TMEFF2: variants seen among roughly 807,000 people sequenced by gnomAD.
TMEFF2 encodes transmembrane protein with EGF like and two follistatin like domains 2, also known as tomoregulin-2.
TMEFF2 carries 28 observed loss-of-function variants against 53.8 expected under a neutral mutation model. The observed-to-expected ratio is 0.52, with a 90% CI of 0.39 to 0.71. The LOEUF is 0.71. Ranked by LOEUF, TMEFF2 falls within the 30% of genes least tolerant of loss-of-function variation. The pLI, the probability that TMEFF2 is intolerant of heterozygous loss-of-function variation, is 0.00. For missense variants in TMEFF2, 353 were observed against 455.2 expected (o/e 0.78, Z 2.04); for synonymous variants, 162 against 166.3 (o/e 0.97, Z 0.20).
At chr2:191,996,677 G>GTTCC (rs1686229763) in intron 7 of TMEFF2, among the ~76,000 whole-genome samples, 3 of 151,454 alleles carry the variant, frequency 2.0e-5, no homozygotes, top group African/African-American at 7.3e-5. Context: ...TAAAAGCTGT[G>GTTCC]TACTATAAGG....
At chr2:192,138,854 T>G (rs1574408186) in intron 4 of TMEFF2, among the ~76,000 whole-genome samples, 1 of 152,312 alleles carries the variant, frequency 6.6e-6, no homozygotes, top group East Asian at 1.9e-4. Context: ...AAAGTACACC[T>G]TAGGTTTTAG....
chr2:192,161,542 A>G (rs1690634067), intron 4 of TMEFF2, among the ~76,000 whole-genome samples: 1 of 152,210 alleles, frequency 6.6e-6, no homozygotes, highest in Non-Finnish European at 1.5e-5. Context: ...TGCACTTCCA[A>G]ATTTAAAGAC....
intron 5 of TMEFF2, among the ~76,000 whole-genome samples, chr2:191,999,842 C>T (rs546995424): frequency 6.6e-6 from 1 of 152,064 alleles, no homozygotes; most frequent in East Asian, 1.9e-4. Context: ...AACAACCCTT[C>T]TGTATAAAAT....
chr2:192,135,648 A>T (rs1420340672), intron 4 of TMEFF2, among the ~76,000 whole-genome samples: 1 of 151,816 alleles, frequency 6.6e-6, no homozygotes, highest in African/African-American at 2.4e-5. Flanking sequence ...ACACTATTTT[A>T]TTTTTCTTAT....
intron 4 of TMEFF2, among the ~76,000 whole-genome samples, chr2:192,140,599 G>T (rs1385842735): frequency 1.3e-5 from 2 of 152,114 alleles, no homozygotes; most frequent in East Asian, 1.9e-4. Context: ...AACACAACGT[G>T]GGGGTGAAAG....
chr2:191,960,150 G>A (rs908616687), intron 7 of TMEFF2, among the ~76,000 whole-genome samples: 5 of 152,172 alleles, frequency 3.3e-5, no homozygotes, highest in Non-Finnish European at 5.9e-5. Flanking sequence ...TGGGATTACA[G>A]TCGTGAGTCA....
chr2:191,995,349 G>A (rs1686198420), intron 7 of TMEFF2, among the ~76,000 whole-genome samples: 4 of 151,966 alleles, frequency 2.6e-5, no homozygotes, highest in Admixed American at 1.3e-4. Flanking sequence ...TTAATCTATA[G>A]TGTTAACTAG....
At chr2:191,964,747 C>G (rs898172347) in intron 7 of TMEFF2, among the ~76,000 whole-genome samples, 5 of 152,060 alleles carry the variant, frequency 3.3e-5, no homozygotes, top group African/African-American at 1.2e-4. Flanking sequence ...CTCATTCTTG[C>G]AGCTCTCTGG....
chr2:192,008,308 G>A (rs533395251), intron 5 of TMEFF2, among the ~76,000 whole-genome samples: 4 of 152,268 alleles, frequency 2.6e-5, no homozygotes, highest in Admixed American at 6.5e-5. Flanking sequence ...TTGCTCCCAC[G>A]TCCCTCTTCA....
intron 4 of TMEFF2, among the ~76,000 whole-genome samples, chr2:192,124,976 T>C (rs1187353346): frequency 6.6e-6 from 1 of 152,182 alleles, no homozygotes; most frequent in Non-Finnish European, 1.5e-5. Context: ...CTCTCCTCCA[T>C]TGGCTAGCAG....
chr2:192,163,804 G>A (rs1690688831), intron 4 of TMEFF2, among the ~76,000 whole-genome samples: 1 of 152,150 alleles, frequency 6.6e-6, no homozygotes, highest in African/African-American at 2.4e-5. Flanking sequence ...TGGAGAACTT[G>A]GCGAGTGCTA....
intron 7 of TMEFF2, among the ~76,000 whole-genome samples, chr2:191,984,823 A>AT (rs2105819070): frequency 6.6e-6 from 1 of 152,238 alleles, no homozygotes; most frequent in African/African-American, 2.4e-5. Flanking sequence ...ATTTAAGCCA[A>AT]TCAGTGGGGA....
intron 8 of TMEFF2, among the ~76,000 whole-genome samples, chr2:191,955,154 A>G (rs1245638866): frequency 2.1e-3 from 45 of 21,646 alleles, no homozygotes; most frequent in African/African-American, 5.8e-3. Context: ...GGGGGGAGGG[A>G]GGAAGAGTGG....
chr2:192,141,449 T>C (rs1325752290), intron 4 of TMEFF2, among the ~76,000 whole-genome samples: 1 of 123,360 alleles, frequency 8.1e-6, no homozygotes, highest in African/African-American at 3.1e-5. Context: ...TGAGACTCCG[T>C]CTCAAAAAAG....
At chr2:191,952,001 T>C (rs763703933) in intron 9 of TMEFF2, among the ~76,000 whole-genome samples, 1 of 152,206 alleles carries the variant, frequency 6.6e-6, no homozygotes, top group Non-Finnish European at 1.5e-5. Context: ...CAGTGCAGTA[T>C]GAGCATGGTG....
Position 191,949,390 on chromosome 2 carries a change from G to C in TMEFF2, c.*921C>G. The C allele has an allele frequency of 2.0e-6, 2 of 985,334 alleles. No individual in the cohort carries two copies. Among genetic ancestry groups the C allele is most frequent in the Non-Finnish European group, 2.4e-6 (2 of 829,884 alleles). The allele number at this position is 985,334 out of a possible 1,614,324, so 61.0% of individuals were successfully genotyped here. A position where few individuals can be genotyped will look rare whatever the true frequency, so the allele number is the denominator to read the frequency against. ...TGCATTAGCCACAAAGCTATTCATG[G>C]GGTATTGGTTGTGATTCTAACTTCT... On this transcript the variant is annotated 3_prime_UTR_variant, in exon 10 of 10. Coordinates refer to ENST00000272771, the MANE Select transcript of TMEFF2 (RefSeq NM_016192.4).
chr2:192,089,599 G>C (rs78021890), intron 4 of TMEFF2, among the ~76,000 whole-genome samples: 2,132 of 152,104 alleles, frequency 0.014, 56 homozygotes, highest in African/African-American at 0.049. Flanking sequence ...TCTGCGATTT[G>C]GGTCTACCTC....
intron 5 of TMEFF2, among the ~76,000 whole-genome samples, chr2:192,048,544 C>G (rs1303562676): frequency 6.6e-6 from 1 of 151,586 alleles, no homozygotes; most frequent in Non-Finnish European, 1.5e-5. Flanking sequence ...TTTAATATAA[C>G]CATCAAAAAT....
intron 5 of TMEFF2, chr2:192,035,157 T>A (rs1687254632): frequency 6.8e-6 from 1 of 147,216 alleles, no homozygotes; most frequent in Admixed American, 6.8e-5. Context: ...TGGCTTAAAA[T>A]GACAACGATC....
Sources: gnomAD v4.1 joint callset for allele counts (sites outside exome capture counted in the v4.1 genomes callset) on GRCh38, gnomAD v4.1.1 for gene constraint, MANE v1.5 for transcripts, NCBI Gene and HGNC (gene_info 2026-07-23, HGNC 2026-07-21) for gene names.